ACVR1: variants seen among roughly 807,000 people sequenced by gnomAD.
ACVR1 encodes activin receptor type-1.
A neutral mutation model predicts 57.1 loss-of-function variants in ACVR1; 38 were observed. The observed-to-expected ratio is 0.67, with a 90% confidence interval of 0.51 to 0.87. ACVR1 has a LOEUF of 0.87. Among genes scored for constraint, ACVR1 ranks in the 40% least tolerant of loss-of-function variants. The pLI is 0.00. For synonymous variants in ACVR1, 212 were observed against 228.1 expected (o/e 0.93, Z 0.63); for missense variants, 463 against 638.2 (o/e 0.73, Z 2.96).
chr2:157,768,016 G>A (rs1350311211), intron 7 of ACVR1, among the ~76,000 whole-genome samples: 1 of 152,170 alleles, frequency 6.6e-6, no homozygotes, highest in Non-Finnish European at 1.5e-5. Context: ...CTAGAACCCA[G>A]ACTCTTACTG....
intron 1 of ACVR1, among the ~76,000 whole-genome samples, chr2:157,847,038 C>CCA (rs1415892945): frequency 1.3e-5 from 2 of 152,084 alleles, no homozygotes; most frequent in African/African-American, 4.8e-5. Flanking sequence ...AGAAAGGAAA[C>CCA]CAGAAGAAAT....
chr2:157,858,082 A>C (rs919164948), intron 1 of ACVR1, among the ~76,000 whole-genome samples: 1 of 151,868 alleles, frequency 6.6e-6, no homozygotes, highest in African/African-American at 2.4e-5. Flanking sequence ...CCTCCCTCTC[A>C]ACCCACTAAA....
intron 2 of ACVR1, among the ~76,000 whole-genome samples, chr2:157,800,838 T>C (rs1366382173): frequency 6.6e-6 from 1 of 152,124 alleles, no homozygotes; most frequent in African/African-American, 2.4e-5. Flanking sequence ...TCTGTACCTT[T>C]GGACATGAAT....
intron 1 of ACVR1, among the ~76,000 whole-genome samples, chr2:157,857,298 G>A (rs570616214): frequency 6.6e-6 from 1 of 152,148 alleles, no homozygotes; most frequent in East Asian, 1.9e-4. Flanking sequence ...CTTGTGTGTG[G>A]TAAAGCTTGG....
intron 2 of ACVR1, 107 bp downstream of exon 2, chr2:157,818,278 T>G (rs1475517004): frequency 6.6e-6 from 1 of 152,196 alleles, no homozygotes; most frequent in East Asian, 1.9e-4. Flanking sequence ...CCCTGTAGAT[T>G]TGATCTCTGC....
chr2:157,764,036 G>T (rs914543127), intron 8 of ACVR1, among the ~76,000 whole-genome samples: 6 of 152,048 alleles, frequency 3.9e-5, no homozygotes, highest in African/African-American at 1.2e-4. Flanking sequence ...ACCTCAATTT[G>T]TCCACCCTCC....
chr2:157,872,998 A>T lies in ACVR1; in HGVS notation c.-183+2798T>A, dbSNP rs76103017. ...CAAGTACAAACGCATATTTATGACT[A>T]CCTCCTATTCCTAACAAGTGAGTTG... is the stretch of plus-strand genomic sequence containing the variant. On this transcript the variant is annotated intron_variant, in intron 1 of 10. Transcript: ENST00000434821. Among the ~76,000 whole-genome samples, 633 of 152,280 alleles carry T rather than the reference A, an allele frequency of 4.2e-3. 4 individuals are homozygous for T. The highest frequency in any genetic ancestry group is 0.014 in the African/African-American group (599 of 41,560).
chr2:157,827,689 G>A (rs1688436245), intron 1 of ACVR1, among the ~76,000 whole-genome samples: 1 of 152,098 alleles, frequency 6.6e-6, no homozygotes, highest in Non-Finnish European at 1.5e-5. Flanking sequence ...GCAACTCTGG[G>A]TCTACCGCTG....
intron 9 of ACVR1, among the ~76,000 whole-genome samples, chr2:157,748,137 C>A (rs796424686): frequency 2.0e-5 from 3 of 152,148 alleles, no homozygotes; most frequent in Non-Finnish European, 4.4e-5. Flanking sequence ...TGACTTCCAA[C>A]TGACTACTAT....
chr2:157,866,995 A>G (rs1019585438), intron 1 of ACVR1, among the ~76,000 whole-genome samples: 3 of 152,090 alleles, frequency 2.0e-5, no homozygotes, highest in African/African-American at 7.2e-5. Context: ...CCCAAACCCT[A>G]TCTCCAGAGT....
chr2:157,773,672 A>G (rs570820086), intron 6 of ACVR1, among the ~76,000 whole-genome samples: 4 of 152,342 alleles, frequency 2.6e-5, no homozygotes, highest in Non-Finnish European at 4.4e-5. Context: ...TTCATTAATT[A>G]TGTTCATTAA....
At chr2:157,855,308 G>GTGTATATATATATA (rs1307480066) in intron 1 of ACVR1, among the ~76,000 whole-genome samples, 6 of 51,654 alleles carry the variant, frequency 1.2e-4, no homozygotes, top group Non-Finnish European at 1.9e-4. Context: ...GTGTGTGTGT[G>GTGTATATATATATA]TATATATATA....
Position 157,848,410 on chromosome 2 carries a change from A to G in ACVR1, c.-183+27386T>C, listed in dbSNP as rs558841661. On this transcript the variant is annotated intron_variant, in intron 1 of 10. Coordinates refer to ENST00000434821, the MANE Select transcript of ACVR1 (RefSeq NM_001111067.4). ...TGTAGGTGTTTCAGCTGACAGCCCC[A>G]GCTGAGCTCCCAGCCAACAGCCAGC... 1.2e-4 allele frequency among the ~76,000 whole-genome samples: 18 copies of G among 152,322 alleles called. No homozygotes were observed. In the East Asian group the frequency reaches 3.3e-3, roughly 28 times the overall value.
At chr2:157,746,284 T>C (rs917584956) in intron 9 of ACVR1, among the ~76,000 whole-genome samples, 5 of 152,206 alleles carry the variant, frequency 3.3e-5, no homozygotes, top group Non-Finnish European at 7.3e-5. Flanking sequence ...GCTTTACATA[T>C]ACGATCTCAT....
At chr2:157,761,447 C>T (rs1368996171) in intron 8 of ACVR1, among the ~76,000 whole-genome samples, 4 of 152,180 alleles carry the variant, frequency 2.6e-5, no homozygotes, top group Non-Finnish European at 5.9e-5. Context: ...AAATTAAGCT[C>T]TCAAGCTCCA....
rs16842038 is a variant in ACVR1 at position 157,773,922 on chromosome 2, A to C, written c.643+166T>G. 0.018 allele frequency among the ~76,000 whole-genome samples: 2,679 copies of C among 152,326 alleles called. 64 individuals are homozygous for C. Among genetic ancestry groups the C allele is most frequent in the African/African-American group, 0.059 (2,440 of 41,558 alleles). ...GACTCCTTTGATAAGAGCTTAAACA[A>C]GTTCAGGTGCTCCAACATTAGTCAT... On this transcript the variant is annotated intron_variant, in intron 6 of 10. Transcript: ENST00000434821.
chr2:157,765,724 T>A (rs1451749792), intron 8 of ACVR1, among the ~76,000 whole-genome samples, 197 bp downstream of exon 8: 1 of 152,212 alleles, frequency 6.6e-6, no homozygotes, highest in Non-Finnish European at 1.5e-5. Flanking sequence ...GATGAATAAA[T>A]ACATAATAAT....
intron 1 of ACVR1, chr2:157,875,152 G>A (rs543008741): frequency 1.3e-5 from 2 of 152,344 alleles, no homozygotes; most frequent in East Asian, 3.9e-4. Context: ...TTTGGTTACA[G>A]TGTTGAAGGA....
chr2:157,740,088 G>A (rs1294378945), intron 9 of ACVR1, among the ~76,000 whole-genome samples: 1 of 151,858 alleles, frequency 6.6e-6, no homozygotes, highest in African/African-American at 2.4e-5. Context: ...AGGAGGCTGA[G>A]GCACAAGATT....
Sources: gnomAD v4.1 joint callset for allele counts (sites outside exome capture counted in the v4.1 genomes callset) on GRCh38, gnomAD v4.1.1 for gene constraint, MANE v1.5 for transcripts, NCBI Gene and HGNC (gene_info 2026-07-23, HGNC 2026-07-21) for gene names.